The following LRRC8C variants were observed in gnomAD, a reference collection of about 807,000 sequenced individuals.
LRRC8C encodes the protein volume-regulated anion channel subunit LRRC8C.
In LRRC8C, 20 loss-of-function variants were observed where a neutral mutation model predicts 55.3. The ratio of observed to expected loss-of-function variants is 0.36; its 90% CI spans 0.25 to 0.53. The LOEUF is 0.53. LRRC8C is among the 20% of genes least tolerant of loss of function. The probability of loss-of-function intolerance (pLI) is 0.92; values close to 1 mark genes in which losing one functional copy is unlikely to be tolerated. For synonymous variants in LRRC8C, 376 were observed against 360.7 expected, an observed-to-expected ratio of 1.04 and a Z score of -0.48; for missense variants, 659 against 951.4, an observed-to-expected ratio of 0.69 and a Z score of 4.04.
upstream of LRRC8C, chr1:89,633,094 G>A (rs1412999718): frequency 1.3e-5 from 2 of 152,156 alleles, no homozygotes; most frequent in African/African-American, 2.4e-5. Context: ...GGAGGCGGAG[G>A]GGAGGAGGGC....
At chr1:89,637,495 T>C (rs1557644517) in intron 1 of LRRC8C, among the ~76,000 whole-genome samples, 1 of 150,352 alleles carries the variant, frequency 6.7e-6, no homozygotes. Flanking sequence ...GGTAGAAAAA[T>C]AAAATGGAAG....
At chr1:89,681,004 C>T (rs926168044) in intron 1 of LRRC8C, among the ~76,000 whole-genome samples, 6 of 152,186 alleles carry the variant, frequency 3.9e-5, no homozygotes, top group African/African-American at 1.4e-4. Flanking sequence ...AAAGACATTA[C>T]TAATAAGATA....
upstream of LRRC8C, among the ~76,000 whole-genome samples, chr1:89,631,003 A>G (rs568225373): frequency 4.6e-5 from 7 of 152,366 alleles, no homozygotes; most frequent in African/African-American, 1.7e-4. Flanking sequence ...AGAGTAGCCA[A>G]AAGTATTGCA....
rs770087026 is a variant in LRRC8C, at chr1:89,714,024, C to T, written c.1454C>T (p.Ala485Val). ...HQCSVKIHSA[A>V]LSFLKENLKV... ...TGTTCTGTCAAAATCCACAGTGCGG[C>T]GCTCTCTTTCCTGAAGGAAAACCTC... Residue 485 changes from alanine (A) to valine (V), a missense_variant, in exon 3 of 3, where the codon GCG becomes GTG. Physicochemically the swap from Ala to Val is moderately conservative, Grantham distance 64. This residue lies in a region of LRRC8C where 344 missense variants were observed against 464.6 expected (regional missense o/e 0.74). Transcript: ENST00000370454. This position sits in a 1 kb window ranked among gnomAD's most constrained non-coding sequence, Gnocchi z 4.6. 3.1e-5 allele frequency: 50 copies of T among 1,613,300 alleles called. No homozygotes were observed. The Admixed American group carries it at 5.3e-4, about 17-fold the overall frequency.
chr1:89,661,998 G>A (rs1408381639), intron 1 of LRRC8C, among the ~76,000 whole-genome samples: 3 of 152,180 alleles, frequency 2.0e-5, no homozygotes, highest in African/African-American at 7.2e-5. Flanking sequence ...TCCAGACAGA[G>A]CTGTTGCAAA....
intron 1 of LRRC8C, among the ~76,000 whole-genome samples, chr1:89,682,108 C>G (rs562904136): frequency 7.2e-5 from 11 of 152,182 alleles, no homozygotes; most frequent in African/African-American, 2.6e-4. Context: ...ACCCGGGAGG[C>G]GGAGCTTGCA....
intron 2 of LRRC8C, among the ~76,000 whole-genome samples, chr1:89,702,196 G>C (rs1418470876): frequency 6.6e-6 from 1 of 151,996 alleles, no homozygotes; most frequent in Admixed American, 6.6e-5. Context: ...GGTGGACTCT[G>C]GGGGGCTGGG....
chr1:89,672,779 T>C (rs1017724026), intron 1 of LRRC8C, among the ~76,000 whole-genome samples: 1 of 145,946 alleles, frequency 6.9e-6, no homozygotes, highest in Non-Finnish European at 1.5e-5. Flanking sequence ...CTTCGTTGAC[T>C]GGATATTTAT....
chr1:89,673,131 A>G (rs1260857715), intron 1 of LRRC8C, among the ~76,000 whole-genome samples: 12 of 152,178 alleles, frequency 7.9e-5, no homozygotes. Flanking sequence ...CTACTTGTCT[A>G]AAGTTTTAAT....
chr1:89,644,763 AC>A (rs1250926815), intron 1 of LRRC8C, among the ~76,000 whole-genome samples: 1 of 152,170 alleles, frequency 6.6e-6, no homozygotes, highest in East Asian at 1.9e-4. Flanking sequence ...TCTTTGCCTG[AC>A]CCCAGAAGTG....
chr1:89,663,502 A>G (rs6693030), intron 1 of LRRC8C, among the ~76,000 whole-genome samples: 55,181 of 150,998 alleles, frequency 0.37, 10,112 homozygotes, highest in African/African-American at 0.42. Context: ...CCCGGGAGGC[A>G]GAGCTTGCAG....
intron 1 of LRRC8C, among the ~76,000 whole-genome samples, chr1:89,653,207 C>G (rs936864693): frequency 2.6e-5 from 4 of 152,112 alleles, no homozygotes; most frequent in Non-Finnish European, 5.9e-5. Flanking sequence ...TTGAAAATTC[C>G]AAAGAGCTCT....
intron 1 of LRRC8C, among the ~76,000 whole-genome samples, chr1:89,673,717 G>A (rs12090225): frequency 0.016 from 2,368 of 152,248 alleles, 52 homozygotes; most frequent in African/African-American, 0.054. Context: ...TGAAGTGTTG[G>A]GAAAACAGTG....
chr1:89,711,157 G>T (rs780215353), intron 2 of LRRC8C, among the ~76,000 whole-genome samples: 1 of 152,174 alleles, frequency 6.6e-6, no homozygotes, highest in Non-Finnish European at 1.5e-5. Flanking sequence ...CCCTGAACTA[G>T]AAGGACTATT....
intron 1 of LRRC8C, among the ~76,000 whole-genome samples, chr1:89,655,097 C>T (rs1341517347): frequency 6.6e-6 from 1 of 152,050 alleles, no homozygotes. Flanking sequence ...GTGTCATTTT[C>T]TCCTTTCACT....
chr1:89,618,238 A>G, the LRRC8C span, among the ~76,000 whole-genome samples: 1 of 152,178 alleles, frequency 6.6e-6, no homozygotes, highest in African/African-American at 2.4e-5. Context: ...CGTCATTTGC[A>G]TAACAAAGAG....
intron 2 of LRRC8C, among the ~76,000 whole-genome samples, chr1:89,699,994 T>A (rs982077455): frequency 2.0e-5 from 3 of 152,288 alleles, no homozygotes; most frequent in African/African-American, 7.2e-5. Context: ...GGACAACGAG[T>A]GCTTTCTTTG....
At chr1:89,631,204 G>T (rs1443787637), upstream of LRRC8C, among the ~76,000 whole-genome samples, 4 of 152,180 alleles carry the variant, frequency 2.6e-5, no homozygotes, top group African/African-American at 9.7e-5. Context: ...AATTCTCACA[G>T]CACCCTGTAG....
chr1:89,625,619 C>T, the LRRC8C span, among the ~76,000 whole-genome samples: 6 of 152,164 alleles, frequency 3.9e-5, no homozygotes, highest in East Asian at 1.9e-4. Context: ...CGCATGGCTA[C>T]GGCATTTCCT....
Sources: gnomAD v4.1 joint callset for allele counts (sites outside exome capture counted in the v4.1 genomes callset) on GRCh38, gnomAD v4.1.1 for gene constraint, gnomAD v4.1.1 regional missense constraint, Gnocchi (gnomAD v3.1) non-coding constraint, MANE v1.5 for transcripts, NCBI Gene and HGNC (gene_info 2026-07-23, HGNC 2026-07-21) for gene names.